The following PSD3 variants were observed in gnomAD, a reference collection of about 807,000 sequenced individuals.
PSD3 encodes pleckstrin and Sec7 domain containing 3.
A neutral mutation model predicts 105.5 loss-of-function variants in PSD3; 49 were observed. The ratio of observed to expected loss-of-function variants is 0.46; its 90% CI spans 0.37 to 0.59. PSD3 has a LOEUF of 0.59. PSD3 is among the 20% of genes least tolerant of loss of function. The pLI is 0.00. For missense variants in PSD3, 1,561 were observed against 1,263.8 expected, an observed-to-expected ratio of 1.24 and a Z score of -3.57; for synonymous variants, 557 against 457.8, an observed-to-expected ratio of 1.22 and a Z score of -2.77.
intron 2 of PSD3, among the ~76,000 whole-genome samples, chr8:18,892,748 C>T (rs1465532963): frequency 1.3e-5 from 2 of 151,862 alleles, no homozygotes; most frequent in African/African-American, 4.8e-5. Flanking sequence ...CCTCAGCCTC[C>T]CAAGTAGCTG....
At chr8:18,753,982 T>A (rs1805813754) in intron 9 of PSD3, among the ~76,000 whole-genome samples, 1 of 152,168 alleles carries the variant, frequency 6.6e-6, no homozygotes, top group South Asian at 2.1e-4. Context: ...TTTACCTCAT[T>A]AGCAAATCAC....
At chr8:18,943,987 T>G (rs1333484050) in intron 1 of PSD3, among the ~76,000 whole-genome samples, 1 of 152,100 alleles carries the variant, frequency 6.6e-6, no homozygotes, top group Non-Finnish European at 1.5e-5. Flanking sequence ...AGTAAATAAC[T>G]TAACCAGATC....
intron 4 of PSD3, among the ~76,000 whole-genome samples, chr8:18,848,334 C>G (rs765203341): frequency 9.2e-5 from 14 of 152,202 alleles, no homozygotes; most frequent in Non-Finnish European, 1.3e-4. Flanking sequence ...TGAATACATA[C>G]TGCGTAGGGC....
chr8:18,817,587 G>A (rs757612975), intron 4 of PSD3, among the ~76,000 whole-genome samples: 2 of 152,218 alleles, frequency 1.3e-5, no homozygotes, highest in Non-Finnish European at 2.9e-5. Flanking sequence ...AAACAACTGT[G>A]TACTCGTCTC....
chr8:18,571,354 G>A (rs1021580764), intron 14 of PSD3, among the ~76,000 whole-genome samples: 9 of 128,410 alleles, frequency 7.0e-5, no homozygotes, highest in African/African-American at 2.7e-4. Flanking sequence ...TCTTCTCTAG[G>A]CCTTCGTTCC....
At chr8:19,043,772 C>T (rs548042386) in intron 1 of PSD3, among the ~76,000 whole-genome samples, 1 of 152,292 alleles carries the variant, frequency 6.6e-6, no homozygotes, top group African/African-American at 2.4e-5. Flanking sequence ...CAAGAAGGCC[C>T]TTACCAGATG....
chr8:18,625,539 C>T (rs1806416300), intron 11 of PSD3, among the ~76,000 whole-genome samples: 1 of 152,156 alleles, frequency 6.6e-6, no homozygotes, highest in Admixed American at 6.6e-5. Flanking sequence ...GTTCAGGCTT[C>T]ACTGTCCCTA....
chr8:18,809,926 G>A (rs1811552379), intron 4 of PSD3, among the ~76,000 whole-genome samples: 1 of 152,054 alleles, frequency 6.6e-6, no homozygotes, highest in African/African-American at 2.4e-5. Flanking sequence ...TGACCTGCAT[G>A]CTACCACCAC....
rs1212152965 is a variant in PSD3, at chr8:18,871,836, T to C, written c.1028A>G (p.His343Arg). Residue 343 changes from histidine to arginine, a missense_variant, in exon 3 of 16, where the codon CAT becomes CGT. Coordinates refer to ENST00000327040, the MANE Select transcript of PSD3 (RefSeq NM_015310.4). ...DSKESSKVPR[H>R]LISSAGLCNS... ...ACACAAACCAGCTGATGAGATGAGATGGCGTGGCACTTTGGAAGACTCTTT... is the reference window on the plus strand; with the variant it reads ...ACACAAACCAGCTGATGAGATGAGACGGCGTGGCACTTTGGAAGACTCTTT... 8 of 1,613,848 alleles carry C rather than the reference T, an allele frequency of 5.0e-6. No individual in the cohort carries two copies. Among genetic ancestry groups the C allele is most frequent in the Non-Finnish European group, 6.8e-6 (8 of 1,179,700 alleles).
chr8:18,969,773 A>G, intron 1 of PSD3, among the ~76,000 whole-genome samples: 1 of 152,180 alleles, frequency 6.6e-6, no homozygotes, highest in East Asian at 1.9e-4. Context: ...AAAGTCCAAA[A>G]ATTCTAGTCA....
intron 8 of PSD3, among the ~76,000 whole-genome samples, chr8:18,797,313 T>TCTC (rs1810276709): frequency 6.6e-6 from 1 of 152,166 alleles, no homozygotes. Flanking sequence ...TTGATAATTT[T>TCTC]CTCCCTCTTC....
At chr8:18,782,056 T>C (rs922618811) in intron 8 of PSD3, among the ~76,000 whole-genome samples, 1 of 152,188 alleles carries the variant, frequency 6.6e-6, no homozygotes, top group African/African-American at 2.4e-5. Flanking sequence ...CTGACATCTT[T>C]GTTGAATTTC....
intron 8 of PSD3, among the ~76,000 whole-genome samples, chr8:18,780,382 A>AT (rs1262694734): frequency 1.3e-5 from 2 of 151,548 alleles, no homozygotes; most frequent in East Asian, 1.9e-4. Context: ...GCCAATCTAT[A>AT]TTTTTTAAGG....
intron 1 of PSD3, among the ~76,000 whole-genome samples, chr8:18,993,375 A>C (rs1372460755): frequency 6.6e-6 from 1 of 152,108 alleles, no homozygotes; most frequent in Non-Finnish European, 1.5e-5. Context: ...TGACACCCAG[A>C]ATCCAATAAA....
intron 4 of PSD3, among the ~76,000 whole-genome samples, chr8:18,858,133 C>T (rs1184554298): frequency 6.6e-6 from 1 of 152,154 alleles, no homozygotes; most frequent in African/African-American, 2.4e-5. Flanking sequence ...GGATATATTG[C>T]TGGTTCAATT....
At chr8:18,863,511 C>A (rs1816607213) in intron 4 of PSD3, among the ~76,000 whole-genome samples, 1 of 152,120 alleles carries the variant, frequency 6.6e-6, no homozygotes, top group Admixed American at 6.5e-5. Flanking sequence ...CTGTTTCCGG[C>A]TGACATGTGG....
At position 18,632,712 on chromosome 8, in the gene PSD3, T is replaced by G. The variant is rs752118841; in HGVS notation, c.2311A>C (p.Thr771Pro). The change falls in exon 11 of 16, where the codon ACT (threonine) becomes CCT (proline). Residue 771 changes from threonine to proline, a missense_variant. Physicochemically the swap from Thr to Pro is conservative, Grantham distance 38 (BLOSUM62 -1). Transcript: ENST00000327040. ...TGAGGAATGTCCAAAAATGGGTTAGTAGTACTTCCAATACGACTGATGGTC... is the reference window on the plus strand; with the variant it reads ...TGAGGAATGTCCAAAAATGGGTTAGGAGTACTTCCAATACGACTGATGGTC... ...PKTISRIGST[T>P]NPFLDIPHDP... The G allele has an allele frequency of 6.2e-7, 1 of 1,611,098 alleles. No homozygotes were observed. The highest frequency in any genetic ancestry group is 8.5e-7 in the Non-Finnish European group (1 of 1,177,666).
At chr8:18,548,099 T>C (rs994505441) in intron 15 of PSD3, among the ~76,000 whole-genome samples, 12 of 152,226 alleles carry the variant, frequency 7.9e-5, no homozygotes, top group African/African-American at 2.9e-4. Context: ...GTTGACACTT[T>C]CTATTGCATT....
chr8:18,543,944 T>C (rs1023951555), intron 15 of PSD3, among the ~76,000 whole-genome samples: 2 of 152,214 alleles, frequency 1.3e-5, no homozygotes, highest in African/African-American at 2.4e-5. Flanking sequence ...ACAACCTGAA[T>C]GAAAATACAG....
Sources: allele counts gnomAD v4.1 joint callset (sites outside exome capture counted in the v4.1 genomes callset), GRCh38; gene constraint gnomAD v4.1.1; transcripts MANE v1.5; gene names NCBI Gene and HGNC (gene_info 2026-07-23, HGNC 2026-07-21).